AUTS2: variants seen among roughly 807,000 people sequenced by gnomAD.
AUTS2 encodes autism susceptibility gene 2 protein.
Under a neutral mutation model 112.4 loss-of-function variants are expected in AUTS2, and 17 were observed. The observed-to-expected ratio is 0.15, with a 90% CI of 0.10 to 0.23. The LOEUF is 0.23. AUTS2 is among the 10% of genes least tolerant of loss of function. The pLI is 1.00. For synonymous variants in AUTS2, 751 were observed against 702.7 expected, an observed-to-expected ratio of 1.07 and a Z score of -1.09; for missense variants, 1,510 against 1,701.6, an observed-to-expected ratio of 0.89 and a Z score of 1.98.
intron 1 of AUTS2, among the ~76,000 whole-genome samples, chr7:69,870,150 CTAACTT>C (rs1292508435): frequency 1.3e-5 from 2 of 151,888 alleles, no homozygotes; most frequent in Non-Finnish European, 2.9e-5. Flanking sequence ...ATAAGAGTAA[CTAACTT>C]TATTGTAAAT....
chr7:70,168,677 A>C (rs1300641447), intron 4 of AUTS2, among the ~76,000 whole-genome samples: 4 of 152,224 alleles, frequency 2.6e-5, no homozygotes, highest in Non-Finnish European at 1.5e-5. Flanking sequence ...TATGTAATAA[A>C]ATAGCAGTAA....
intron 5 of AUTS2, among the ~76,000 whole-genome samples, chr7:70,526,487 C>T (rs2129496236): frequency 6.6e-6 from 1 of 152,248 alleles, no homozygotes; most frequent in East Asian, 1.9e-4. Flanking sequence ...GCCTGGCCAA[C>T]ACGGTGAAAC....
At chr7:69,662,098 CCCTTCT>C (rs1795826022) in intron 1 of AUTS2, among the ~76,000 whole-genome samples, 1 of 152,032 alleles carries the variant, frequency 6.6e-6, no homozygotes, top group South Asian at 2.1e-4. Context: ...ACTTCTTATT[CCCTTCT>C]CCTTCCCCCT....
chr7:70,076,063 C>T (rs1279401630), intron 2 of AUTS2, among the ~76,000 whole-genome samples: 2 of 152,206 alleles, frequency 1.3e-5, no homozygotes, highest in East Asian at 3.8e-4. Context: ...TAAAAACAGG[C>T]AGCAGGCTGA....
chr7:70,409,702 G>C (rs765945776), intron 4 of AUTS2, among the ~76,000 whole-genome samples: 1 of 152,118 alleles, frequency 6.6e-6, no homozygotes, highest in South Asian at 2.1e-4. Context: ...GAGCTGAGAC[G>C]TTATACTAAA....
chr7:69,787,244 A>G (rs1368469359), intron 1 of AUTS2, among the ~76,000 whole-genome samples: 1 of 152,222 alleles, frequency 6.6e-6, no homozygotes, highest in Non-Finnish European at 1.5e-5. Flanking sequence ...TGGTTTCTCA[A>G]AACATCTTTA....
chr7:70,450,858 G>A (rs1796502661), intron 5 of AUTS2, among the ~76,000 whole-genome samples: 1 of 152,140 alleles, frequency 6.6e-6, no homozygotes, highest in Non-Finnish European at 1.5e-5. Context: ...ACTGGGAAGG[G>A]GGGTCAAGGG....
intron 4 of AUTS2, among the ~76,000 whole-genome samples, chr7:70,167,753 A>G (rs1380696757): frequency 6.6e-6 from 1 of 152,252 alleles, no homozygotes; most frequent in Non-Finnish European, 1.5e-5. Context: ...TCAGTAACAG[A>G]AGGATACCCG....
At chr7:69,699,644 T>G (rs1229944911) in intron 1 of AUTS2, among the ~76,000 whole-genome samples, 2 of 149,282 alleles carry the variant, frequency 1.3e-5, no homozygotes, top group South Asian at 2.2e-4. Flanking sequence ...ATAATGTTTT[T>G]TTTTTTTTTT....
At chr7:69,648,009 G>A (rs1225491714) in intron 1 of AUTS2, among the ~76,000 whole-genome samples, 3 of 152,008 alleles carry the variant, frequency 2.0e-5, no homozygotes, top group Non-Finnish European at 2.9e-5. Context: ...GTATGCCCTC[G>A]TTTTAACATT....
At chr7:69,926,738 G>A (rs1443013120) in intron 2 of AUTS2, among the ~76,000 whole-genome samples, 1 of 145,116 alleles carries the variant, frequency 6.9e-6, no homozygotes, top group Non-Finnish European at 1.5e-5. Context: ...TTTTTTTGTG[G>A]TTGCATTAGG....
intron 6 of AUTS2, among the ~76,000 whole-genome samples, chr7:70,705,897 A>G (rs944684696): frequency 1.3e-5 from 2 of 152,166 alleles, no homozygotes; most frequent in Non-Finnish European, 2.9e-5. Context: ...TGTGCATCCT[A>G]TGTGCAGAAT....
intron 5 of AUTS2, among the ~76,000 whole-genome samples, chr7:70,678,893 C>A (rs181135867): frequency 6.6e-6 from 1 of 152,224 alleles, no homozygotes; most frequent in East Asian, 1.9e-4. Flanking sequence ...AAATTCAAAG[C>A]TGTGGTTTTT....
At chr7:70,626,881 T>C (rs114616329) in intron 5 of AUTS2, among the ~76,000 whole-genome samples, 1,683 of 152,358 alleles carry the variant, frequency 0.011, 29 homozygotes, top group African/African-American at 0.038. Flanking sequence ...TTCCATCGTG[T>C]ATATGTATTA....
intron 2 of AUTS2, among the ~76,000 whole-genome samples, chr7:70,050,354 T>TGAAA (rs1801693452): frequency 2.1e-4 from 1 of 4,766 alleles, no homozygotes; most frequent in African/African-American, 7.2e-4. Context: ...AGACTCTGTC[T>TGAAA]CAAAAAAAAA....
chr7:70,068,634 T>G (rs960440131), intron 2 of AUTS2, among the ~76,000 whole-genome samples: 1 of 152,224 alleles, frequency 6.6e-6, no homozygotes, highest in Non-Finnish European at 1.5e-5. Flanking sequence ...GTAGGGACAT[T>G]GTCCTGATAC....
intron 2 of AUTS2, among the ~76,000 whole-genome samples, chr7:70,025,777 C>CTTTTTTT (rs34107096): frequency 7.9e-6 from 1 of 126,628 alleles, no homozygotes; most frequent in Non-Finnish European, 1.7e-5. Context: ...TTTTACTAAG[C>CTTTTTTT]TTTTTTTTTT....
chr7:70,706,670 G>C (rs897583587), intron 6 of AUTS2, among the ~76,000 whole-genome samples: 7 of 152,186 alleles, frequency 4.6e-5, no homozygotes, highest in African/African-American at 1.4e-4. Flanking sequence ...TATTAAGTTA[G>C]ATCTGATAAG....
At chr7:70,382,159 C>G (rs1351620278) in intron 4 of AUTS2, among the ~76,000 whole-genome samples, 2 of 152,172 alleles carry the variant, frequency 1.3e-5, no homozygotes, top group Non-Finnish European at 2.9e-5. Flanking sequence ...CAAATCATCT[C>G]CTCCTATTTC....
Sources: allele counts gnomAD v4.1 joint callset (sites outside exome capture counted in the v4.1 genomes callset), GRCh38; gene constraint gnomAD v4.1.1; transcripts MANE v1.5; gene names NCBI Gene and HGNC (gene_info 2026-07-23, HGNC 2026-07-21).